Variants in TSPAN18 observed in about 807,000 individuals in gnomAD.
TSPAN18 encodes the protein tetraspanin-18.
Under a neutral mutation model 27.3 loss-of-function variants are expected in TSPAN18, and 14 were observed. The observed-to-expected ratio is 0.51, with a 90% CI of 0.34 to 0.80. TSPAN18 has a LOEUF of 0.80. Among genes scored for constraint, TSPAN18 ranks in the 30% least tolerant of loss-of-function variants. The pLI, the probability that TSPAN18 is intolerant of heterozygous loss-of-function variation, is 0.01. For synonymous variants in TSPAN18, 143 were observed against 136.5 expected (o/e 1.05, Z -0.33); for missense variants, 268 against 323.9 (o/e 0.83, Z 1.32).
At chr11:44,802,650 G>T (rs1283241336) in intron 2 of TSPAN18, among the ~76,000 whole-genome samples, 1 of 124,882 alleles carries the variant, frequency 8.0e-6, no homozygotes, top group Non-Finnish European at 1.8e-5. Flanking sequence ...CTCTGGCAGG[G>T]TGGGCTCAAG....
intron 2 of TSPAN18, among the ~76,000 whole-genome samples, chr11:44,783,713 G>A (rs1855993830): frequency 2.0e-5 from 3 of 152,102 alleles, no homozygotes; most frequent in Non-Finnish European, 4.4e-5. Context: ...GACTATTTCT[G>A]AGGACTTCCT....
chr11:44,778,034 G>A (rs1366527859), intron 2 of TSPAN18, among the ~76,000 whole-genome samples: 1 of 152,106 alleles, frequency 6.6e-6, no homozygotes, highest in East Asian at 1.9e-4. Flanking sequence ...TGGAGAGGTT[G>A]AGCAGATGGG....
intron 1 of TSPAN18, among the ~76,000 whole-genome samples, chr11:44,739,788 C>T (rs1350723549): frequency 8.0e-6 from 1 of 124,522 alleles, no homozygotes; most frequent in East Asian, 6.2e-4. Flanking sequence ...CCCTGGGCTG[C>T]TCCTATGGGT....
intron 2 of TSPAN18, among the ~76,000 whole-genome samples, chr11:44,821,803 T>C (rs545349243): frequency 1.3e-5 from 2 of 152,340 alleles, no homozygotes; most frequent in South Asian, 4.1e-4. Context: ...AAATGATCCC[T>C]CAAGGTAGTA....
intron 2 of TSPAN18, among the ~76,000 whole-genome samples, chr11:44,776,715 C>T (rs960872141): frequency 2.8e-4 from 42 of 151,376 alleles, no homozygotes; most frequent in Middle Eastern, 3.4e-3. Context: ...CTCAGTTCCC[C>T]GTCTATAAAG....
intron 2 of TSPAN18, among the ~76,000 whole-genome samples, chr11:44,791,502 G>T (rs1321712227): frequency 6.6e-6 from 1 of 152,222 alleles, no homozygotes; most frequent in African/African-American, 2.4e-5. Flanking sequence ...AGCGAGTGGG[G>T]CATTTGTTTC....
chr11:44,842,520 G>T (rs946893951), intron 2 of TSPAN18, among the ~76,000 whole-genome samples: 1 of 152,144 alleles, frequency 6.6e-6, no homozygotes, highest in Non-Finnish European at 1.5e-5. Flanking sequence ...GGATGATGAG[G>T]CCAAGAATGG....
At chr11:44,861,793 T>TCTCA (rs1491236551) in intron 3 of TSPAN18, among the ~76,000 whole-genome samples, 2,132 of 132,146 alleles carry the variant, frequency 0.016, 34 homozygotes, top group Admixed American at 0.042. Flanking sequence ...AGCCCAAATT[T>TCTCA]CACACACACA....
At chr11:44,923,633 C>T (rs1418039992) in intron 8 of TSPAN18, among the ~76,000 whole-genome samples, 1 of 152,206 alleles carries the variant, frequency 6.6e-6, no homozygotes, top group East Asian at 1.9e-4. Flanking sequence ...ATCCTGGCTT[C>T]CCTTCCTCGT....
At chr11:44,738,996 C>T (rs1475950508) in intron 1 of TSPAN18, among the ~76,000 whole-genome samples, 1 of 151,816 alleles carries the variant, frequency 6.6e-6, no homozygotes, top group East Asian at 1.9e-4. Flanking sequence ...GGCTCTTCTC[C>T]TCTGCAGATC....
At chr11:44,733,210 G>C (rs751846471) in intron 1 of TSPAN18, among the ~76,000 whole-genome samples, 1 of 152,214 alleles carries the variant, frequency 6.6e-6, no homozygotes, top group Admixed American at 6.5e-5. Flanking sequence ...ATTTACCCTA[G>C]TAGAGTGCTT....
intron 3 of TSPAN18, among the ~76,000 whole-genome samples, chr11:44,899,148 C>G (rs1002928489): frequency 1.3e-5 from 2 of 152,206 alleles, no homozygotes; most frequent in Non-Finnish European, 2.9e-5. Context: ...GAGTGGAATT[C>G]CCACTAAGTC....
intron 3 of TSPAN18, among the ~76,000 whole-genome samples, chr11:44,888,044 C>G (rs1590632264): frequency 6.6e-6 from 1 of 152,250 alleles, no homozygotes; most frequent in East Asian, 1.9e-4. Context: ...AGCTCCTGCC[C>G]CACTCTGAGG....
intron 2 of TSPAN18, among the ~76,000 whole-genome samples, chr11:44,798,540 G>A (rs898897351): frequency 6.6e-6 from 1 of 152,224 alleles, no homozygotes; most frequent in African/African-American, 2.4e-5. Context: ...ATCTGGCCCA[G>A]ACCATGGCTA....
At chr11:44,748,547 T>C (rs148734942) in intron 1 of TSPAN18, among the ~76,000 whole-genome samples, 12 of 152,302 alleles carry the variant, frequency 7.9e-5, no homozygotes, top group African/African-American at 2.6e-4. Context: ...CCTGGAATTA[T>C]ATCAGTATTT....
intron 3 of TSPAN18, among the ~76,000 whole-genome samples, chr11:44,861,416 G>A (rs1857879879): frequency 6.9e-6 from 1 of 145,512 alleles, no homozygotes; most frequent in South Asian, 2.3e-4. Context: ...GTGGTGCTGA[G>A]GGAGGTGGTC....
intron 9 of TSPAN18, 32 bp from the exon 10 acceptor site, chr11:44,929,099 A>G (rs1565026617): frequency 3.7e-6 from 6 of 1,612,618 alleles, no homozygotes; most frequent in Middle Eastern, 1.7e-4. Context: ...CAGCCTGATA[A>G]GCCAGTTCCT....
intron 3 of TSPAN18, among the ~76,000 whole-genome samples, chr11:44,878,162 C>T (rs1260479114): frequency 6.6e-6 from 1 of 151,734 alleles, no homozygotes; most frequent in Non-Finnish European, 1.5e-5. Context: ...ACCCCAGACA[C>T]CCCAGGGGAC....
chr11:44,854,209 G>GA (rs923698866), intron 2 of TSPAN18, among the ~76,000 whole-genome samples: 5 of 133,490 alleles, frequency 3.7e-5, no homozygotes, highest in African/African-American at 7.9e-5. Context: ...GTGGGGGGGG[G>GA]GGTTTGTGTG....
Sources: allele counts gnomAD v4.1 joint callset (sites outside exome capture counted in the v4.1 genomes callset), GRCh38; gene constraint gnomAD v4.1.1; transcripts MANE v1.5; gene names NCBI Gene and HGNC (gene_info 2026-07-23, HGNC 2026-07-21).